Variants in EMID1 observed in about 807,000 individuals in gnomAD.
The protein encoded by EMID1 is EMI domain containing 1.
Under a neutral mutation model 60.6 loss-of-function variants are expected in EMID1, and 40 were observed. The ratio of observed to expected loss-of-function variants is 0.66; its 90% CI spans 0.51 to 0.86. EMID1 has a LOEUF of 0.86. Ranked by LOEUF, EMID1 falls within the 40% of genes least tolerant of loss-of-function variation. The probability of loss-of-function intolerance (pLI) is 0.00; values close to 1 mark genes in which losing one functional copy is unlikely to be tolerated. For synonymous variants in EMID1, 242 were observed against 231.0 expected (o/e 1.05, Z -0.43); for missense variants, 585 against 597.1 (o/e 0.98, Z 0.21).
At chr22:29,212,721 AC>A in intron 1 of EMID1, among the ~76,000 whole-genome samples, 1 of 150,040 alleles carries the variant, frequency 6.7e-6, no homozygotes, top group East Asian at 2.0e-4. Context: ...CCACCATCAC[AC>A]CCGGCTAATT....
chr22:29,231,263 C>T, intron 6 of EMID1, 123 bp downstream of exon 6: 1 of 1,396,230 alleles, frequency 7.2e-7, no homozygotes, highest in Admixed American at 2.7e-5. Flanking sequence ...CCTCAGTCTT[C>T]CCATTTCCCG....
chr22:29,243,722 A>C (rs2041230880), intron 13 of EMID1, among the ~76,000 whole-genome samples: 1 of 152,140 alleles, frequency 6.6e-6, no homozygotes, highest in Non-Finnish European at 1.5e-5. Flanking sequence ...CTTCTGTCTC[A>C]GTCTCTGTCC....
rs1359966521 is a variant in EMID1 at position 29,233,641 on chromosome 22, G to A, written c.941G>A (p.Gly314Asp). Reference protein sequence around the residue: ...MGPPGPPGPTGVPGSPGHIGP... With the variant: ...MGPPGPPGPTDVPGSPGHIGP... ...CCCCCTGGGCCTCCTGGCCCCACAG[G>A]TGTCCCTGGGAGTCCTGGTCACATA... Residue 314 changes from glycine (G) to aspartate (D), a missense_variant, in exon 10 of 15, where the codon GGT becomes GAT. By Grantham distance (94) the Gly-to-Asp change is moderately conservative. Coordinates refer to ENST00000334018, the MANE Select transcript of EMID1 (RefSeq NM_133455.4). The A allele has an allele frequency of 6.2e-7, 1 of 1,614,006 alleles. No individual in the cohort carries two copies. Among genetic ancestry groups the A allele is most frequent in the Admixed American group, 1.7e-5 (1 of 60,018 alleles).
rs191429911 is a variant in EMID1, at chr22:29,238,154, G to C, written c.1074+3805G>C. 2.3e-3 allele frequency among the ~76,000 whole-genome samples: 322 copies of C among 142,544 alleles called. 60 individuals carry two copies. Among genetic ancestry groups the C allele is most frequent in the African/African-American group, 8.7e-3 (313 of 35,936 alleles). The allele number at this position is 142,544 out of a possible 152,430, so 93.5% of individuals were successfully genotyped here. ...TGCTTGCATGGTTTCTGCAGAGTTGGTTGTAATTATTATTGTTGCTCCTCT... is the reference window on the plus strand; with the variant it reads ...TGCTTGCATGGTTTCTGCAGAGTTGCTTGTAATTATTATTGTTGCTCCTCT... On this transcript the variant is annotated intron_variant, in intron 12 of 14. Coordinates refer to ENST00000334018, the MANE Select transcript of EMID1 (RefSeq NM_133455.4).
chr22:29,249,234 C>CTT (rs912458576), intron 13 of EMID1, among the ~76,000 whole-genome samples: 3 of 149,138 alleles, frequency 2.0e-5, no homozygotes, highest in Admixed American at 1.3e-4. Flanking sequence ...GATGGCTTTT[C>CTT]TTTTTTTTTT....
At chr22:29,249,971 G>T (rs2041466519) in intron 13 of EMID1, among the ~76,000 whole-genome samples, 1 of 152,196 alleles carries the variant, frequency 6.6e-6, no homozygotes, top group Non-Finnish European at 1.5e-5. Context: ...GCTGGGCAAG[G>T]TGGCTCATGC....
chr22:29,214,319 G>A (rs1028217642), intron 1 of EMID1, among the ~76,000 whole-genome samples: 2 of 152,184 alleles, frequency 1.3e-5, no homozygotes, highest in African/African-American at 2.4e-5. Flanking sequence ...GGGAAAGGAT[G>A]GAGGGAATAG....
At chr22:29,254,434 A>C in intron 14 of EMID1, 147 bp downstream of exon 14, 1 of 727,534 alleles carries the variant, frequency 1.4e-6, no homozygotes, top group Non-Finnish European at 2.4e-6. Flanking sequence ...AGAGGCCACA[A>C]CCACCCTTCC....
At chr22:29,216,818 G>A (rs1302252607) in intron 3 of EMID1, among the ~76,000 whole-genome samples, 1 of 152,266 alleles carries the variant, frequency 6.6e-6, no homozygotes, top group South Asian at 2.1e-4. Flanking sequence ...ATGGGGTAGA[G>A]GAGTACCCAG....
intron 12 of EMID1, among the ~76,000 whole-genome samples, chr22:29,239,197 T>A (rs2041068852): frequency 6.9e-6 from 1 of 145,212 alleles, no homozygotes; most frequent in Admixed American, 6.8e-5. Context: ...AGTCCACGAA[T>A]AAGCCCATCA....
intron 3 of EMID1, chr22:29,216,657 C>T (rs1224230893): frequency 5.1e-6 from 5 of 985,328 alleles, no homozygotes; most frequent in Non-Finnish European, 6.0e-6. Context: ...GAGATTTGCA[C>T]ACTTCACCTC....
intron 1 of EMID1, 29 bp from the exon 2 acceptor site, chr22:29,214,897 T>G: frequency 4.8e-5 from 71 of 1,473,142 alleles, no homozygotes; most frequent in Non-Finnish European, 6.0e-5. Flanking sequence ...GTGTGGTACC[T>G]GAGTTTCCTC....
intron 5 of EMID1, among the ~76,000 whole-genome samples, chr22:29,229,643 C>A (rs1451107933): frequency 1.1e-3 from 135 of 126,924 alleles, no homozygotes; most frequent in South Asian, 1.1e-3. Flanking sequence ...AACTCCACCT[C>A]AAAAAAAAAA....
intron 12 of EMID1, among the ~76,000 whole-genome samples, chr22:29,236,024 C>T (rs751906174): frequency 2.6e-5 from 4 of 152,012 alleles, no homozygotes; most frequent in Admixed American, 6.6e-5. Flanking sequence ...AGAAAACCTA[C>T]GGTTAGGTCT....
intron 13 of EMID1, among the ~76,000 whole-genome samples, chr22:29,246,633 G>T (rs2041341560): frequency 6.6e-6 from 1 of 152,288 alleles, no homozygotes; most frequent in South Asian, 2.1e-4. Flanking sequence ...GGACCAACGG[G>T]AGGAGTCTGT....
chr22:29,231,442 A>ACC, intron 6 of EMID1, 151 bp from the exon 7 acceptor site: 1 of 868,164 alleles, frequency 1.2e-6, no homozygotes, highest in Non-Finnish European at 1.9e-6. Context: ...ACCTCTGCCT[A>ACC]CCCCCCCCAC....
intron 14 of EMID1, chr22:29,255,585 A>C: frequency 2.5e-6 from 1 of 404,650 alleles, no homozygotes. Flanking sequence ...CAGGCTCCAC[A>C]AGATAAGACA....
chr22:29,258,692 G>C, intron 14 of EMID1, 125 bp from the exon 15 acceptor site: 2 of 1,414,280 alleles, frequency 1.4e-6, no homozygotes, highest in Non-Finnish European at 1.9e-6. Context: ...TCTGCAGCCA[G>C]ATACCAGGGT....
chr22:29,223,670 C>T (rs956736490), intron 3 of EMID1, among the ~76,000 whole-genome samples: 1 of 152,230 alleles, frequency 6.6e-6, no homozygotes, highest in African/African-American at 2.4e-5. Flanking sequence ...GCCTCATTTC[C>T]TCCTAGCGGG....
Sources: allele counts gnomAD v4.1 joint callset (sites outside exome capture counted in the v4.1 genomes callset), GRCh38; gene constraint gnomAD v4.1.1; transcripts MANE v1.5; gene names NCBI Gene and HGNC (gene_info 2026-07-23, HGNC 2026-07-21).